The following EBF3 variants were observed in gnomAD, a reference collection of about 807,000 sequenced individuals.
EBF3 encodes transcription factor COE3.
Under a neutral mutation model 77.1 loss-of-function variants are expected in EBF3, and 18 were observed. The observed-to-expected ratio is 0.23, with a 90% CI of 0.16 to 0.35. EBF3 has a LOEUF of 0.35. Among genes scored for constraint, EBF3 ranks in the 10% least tolerant of loss-of-function variants. The pLI, the probability that EBF3 is intolerant of heterozygous loss-of-function variation, is 1.00. For missense variants in EBF3, 558 were observed against 860.0 expected, an observed-to-expected ratio of 0.65 and a Z score of 4.39; for synonymous variants, 350 against 343.5, an observed-to-expected ratio of 1.02 and a Z score of -0.21.
In EBF3 at chr10:129,944,676, T is replaced by C. The variant is rs78665578; in HGVS notation, c.554+12582A>G. On this transcript the variant is annotated intron_variant, in intron 6 of 16. Coordinates refer to ENST00000440978, the MANE Select transcript of EBF3 (RefSeq NM_001375380.1). The surrounding 1 kb of genome is among the most constrained non-coding windows in gnomAD (Gnocchi z 5.1). ...TCCTTGCTGCAACTGAGCCTGCTGG[T>C]CCACCGAGTATAGTTATACGTATGC... 0.047 allele frequency among the ~76,000 whole-genome samples: 7,177 copies of C among 152,196 alleles called. 214 individuals are homozygous for C. The highest frequency in any genetic ancestry group is 0.061 in the Middle Eastern group (18 of 294).
In EBF3 at chr10:129,848,487, C is replaced by T. The variant is rs1374148401; in HGVS notation, c.1040-7G>A. The T allele has an allele frequency of 1.9e-6, 3 of 1,613,390 alleles. No homozygotes were observed. Among genetic ancestry groups the T allele is most frequent in the Non-Finnish European group, 2.5e-6 (3 of 1,179,968 alleles). On this transcript the variant is annotated splice_polypyrimidine_tract_variant and splice_region_variant and intron_variant, in intron 10 of 16. Transcript: ENST00000440978. This position sits in a 1 kb window ranked among gnomAD's most constrained non-coding sequence, Gnocchi z 4.4. ...ATGGTTGGTTCATTAAGGGCTGCAA[C>T]AGGACACAGAAATGTAGATCAGGTT...
chr10:129,880,745 C>T (rs368350572), intron 6 of EBF3, among the ~76,000 whole-genome samples: 3 of 152,188 alleles, frequency 2.0e-5, no homozygotes, highest in East Asian at 1.9e-4. Flanking sequence ...TCTACAGGGA[C>T]GGACAGAGGG....
At position 129,841,043 on chromosome 10, in the gene EBF3, C is replaced by CCCG. The variant is rs1554892380; in HGVS notation, c.1373-12_1373-11insCGG. 14 of 1,350,170 alleles carry CCCG rather than the reference C, an allele frequency of 1.0e-5. No homozygotes were observed. Among genetic ancestry groups the CCCG allele is most frequent in the African/African-American group, 4.3e-5 (2 of 46,770 alleles). 83.6% of individuals were successfully genotyped at this position (1,350,170 alleles called of 1,614,324 possible). Reference sequence around the variant, plus strand: ...TGCGACTGTAGCCGACTGTTGAAATCCCCCCCCCGGCCAAAAATAACATTA... The same window carrying CCCG: ...TGCGACTGTAGCCGACTGTTGAAATCCCGCCCCCCCCGGCCAAAAATAACATTA... On this transcript the variant is annotated splice_polypyrimidine_tract_variant and intron_variant, in intron 13 of 16. Coordinates refer to ENST00000440978, the MANE Select transcript of EBF3 (RefSeq NM_001375380.1). The surrounding 1 kb of genome is among the most constrained non-coding windows in gnomAD (Gnocchi z 4.6).
intron 6 of EBF3, among the ~76,000 whole-genome samples, chr10:129,904,188 C>T (rs1854976610): frequency 6.6e-6 from 1 of 152,198 alleles, no homozygotes; most frequent in Admixed American, 6.5e-5. Context: ...ATAGCCAGGA[C>T]CCCAAAGCCT....
intron 5 of EBF3, among the ~76,000 whole-genome samples, chr10:129,958,077 A>C (rs1859174797): frequency 6.6e-6 from 1 of 152,244 alleles, no homozygotes. Flanking sequence ...CAGTACATGC[A>C]GAAGTGGATA....
chr10:129,917,651 CAAAAA>C (rs71481019), intron 6 of EBF3, among the ~76,000 whole-genome samples: 51 of 23,596 alleles, frequency 2.2e-3, no homozygotes, highest in African/African-American at 5.8e-3. Flanking sequence ...GACCCTGCCT[CAAAAA>C]AAAAAAAAAA....
chr10:129,839,987 C>T (rs931222284), intron 15 of EBF3, among the ~76,000 whole-genome samples: 15 of 152,262 alleles, frequency 9.9e-5, no homozygotes, highest in African/African-American at 3.4e-4. Context: ...CAGGGTGCTC[C>T]ACCGTAAGTA....
At chr10:129,948,530 A>G (rs1197840280) in intron 6 of EBF3, among the ~76,000 whole-genome samples, 2 of 149,068 alleles carry the variant, frequency 1.3e-5, no homozygotes, top group Non-Finnish European at 3.0e-5. Flanking sequence ...CCCAATGTCA[A>G]CTGCAGACTT....
At chr10:129,846,865 C>A (rs1036182265) in intron 11 of EBF3, among the ~76,000 whole-genome samples, 1 of 131,392 alleles carries the variant, frequency 7.6e-6, no homozygotes, top group African/African-American at 2.6e-5. Context: ...TGTCACCCTG[C>A]TGGAGGGCTT....
chr10:129,963,941 G>A lies in EBF3; in HGVS notation c.-173C>T, dbSNP rs374676229. ...CGGGCAGGCGCGACATACACCAGCG[G>A]CCGGGCGCTCCGGACGGCCAGGGGC... is the stretch of plus-strand genomic sequence containing the variant. On this transcript the variant is annotated 5_prime_UTR_variant, in exon 1 of 17. Coordinates refer to ENST00000440978, the MANE Select transcript of EBF3 (RefSeq NM_001375380.1). This position sits in a 1 kb window ranked among gnomAD's most constrained non-coding sequence, Gnocchi z 7.1. 26,651 of 1,056,038 alleles carry A rather than the reference G, an allele frequency of 0.025. 395 individuals are homozygous for A. Among genetic ancestry groups the A allele is most frequent in the South Asian group, 0.044 (1,003 of 22,564 alleles). 65.4% of individuals were successfully genotyped at this position (1,056,038 alleles called of 1,614,324 possible).
intron 11 of EBF3, among the ~76,000 whole-genome samples, chr10:129,846,132 G>GTGTC (rs1850447704): frequency 6.6e-6 from 1 of 151,266 alleles, no homozygotes; most frequent in Non-Finnish European, 1.5e-5. Flanking sequence ...GTGTGTGTGT[G>GTGTC]TGTGTGTGTG....
rs150509832 is a variant in EBF3, at chr10:129,904,826, A to C, written c.555-26977T>G. Among the ~76,000 whole-genome samples, 423 of 152,354 alleles carry C rather than the reference A, an allele frequency of 2.8e-3. 1 individual carries two copies. Among genetic ancestry groups the C allele is most frequent in the African/African-American group, 9.7e-3 (405 of 41,584 alleles). On this transcript the variant is annotated intron_variant, in intron 6 of 16. Coordinates refer to ENST00000440978, the MANE Select transcript of EBF3 (RefSeq NM_001375380.1). The stretch of plus-strand genomic sequence containing the variant: ...TTGAATAAATATTTCTTGAATGAAT[A>C]AATGAATGGATAATTAGTTACTCCT...
intron 6 of EBF3, among the ~76,000 whole-genome samples, chr10:129,903,775 A>C (rs987117250): frequency 2.6e-5 from 4 of 152,182 alleles, no homozygotes; most frequent in Admixed American, 6.5e-5. Context: ...CCATGACCCC[A>C]GGCAGTCATT....
chr10:129,889,216 C>T (rs1237621913), intron 6 of EBF3, among the ~76,000 whole-genome samples: 1 of 152,252 alleles, frequency 6.6e-6, no homozygotes, highest in African/African-American at 2.4e-5. Context: ...AAGACCCCAA[C>T]GCCCCTCCAT....
chr10:129,912,277 A>C (rs1467204908), intron 6 of EBF3, among the ~76,000 whole-genome samples: 1 of 152,188 alleles, frequency 6.6e-6, no homozygotes, highest in Non-Finnish European at 1.5e-5. Flanking sequence ...CACTATCAAC[A>C]GTGTGGAATT....
intron 10 of EBF3, among the ~76,000 whole-genome samples, chr10:129,850,514 G>A (rs183433089): frequency 3.1e-3 from 479 of 152,300 alleles, no homozygotes; most frequent in Non-Finnish European, 5.0e-3. Context: ...TTGGAAGTTC[G>A]GATGTGAGGC....
At chr10:129,844,731 G>A (rs575952384) in intron 11 of EBF3, among the ~76,000 whole-genome samples, 45 of 152,194 alleles carry the variant, frequency 3.0e-4, no homozygotes, top group Admixed American at 4.6e-4. Context: ...AATTGGTGCC[G>A]ACGCTTGATG....
intron 6 of EBF3, among the ~76,000 whole-genome samples, chr10:129,948,475 G>A (rs1043584072): frequency 1.3e-5 from 2 of 152,084 alleles, no homozygotes; most frequent in Admixed American, 6.5e-5. Flanking sequence ...TACGTGCCAC[G>A]ATGCGTTTGC....
intron 6 of EBF3, among the ~76,000 whole-genome samples, chr10:129,880,440 C>T (rs544197062): frequency 3.8e-4 from 58 of 152,268 alleles, no homozygotes; most frequent in Non-Finnish European, 4.0e-4. Context: ...GACACACACG[C>T]GCATACACAT....
Sources: allele counts gnomAD v4.1 joint callset (sites outside exome capture counted in the v4.1 genomes callset), GRCh38; gene constraint gnomAD v4.1.1; non-coding constraint Gnocchi (gnomAD v3.1); transcripts MANE v1.5; gene names NCBI Gene and HGNC (gene_info 2026-07-23, HGNC 2026-07-21).